Variants in NCAM2 observed in about 807,000 individuals in gnomAD.
NCAM2 encodes neural cell adhesion molecule 2, also known as N-CAM-2.
NCAM2 carries 30 observed loss-of-function variants against 98.1 expected under a neutral mutation model. The observed-to-expected ratio is 0.31, with a 90% confidence interval of 0.23 to 0.41. The LOEUF (loss-of-function observed/expected upper bound fraction) is 0.41. Among genes scored for constraint, NCAM2 ranks in the 10% least tolerant of loss-of-function variants. The pLI, the probability that NCAM2 is intolerant of heterozygous loss-of-function variation, is 1.00. For missense variants in NCAM2, 867 were observed against 1,005.8 expected, an observed-to-expected ratio of 0.86 and a Z score of 1.87; for synonymous variants, 368 against 342.4, an observed-to-expected ratio of 1.07 and a Z score of -0.83.
At chr21:21,322,392 AC>A (rs1340104200) in intron 5 of NCAM2, among the ~76,000 whole-genome samples, 1 of 152,052 alleles carries the variant, frequency 6.6e-6, no homozygotes, top group Non-Finnish European at 1.5e-5. Context: ...TTTACCCCAA[AC>A]CTCAGAATCA....
intron 16 of NCAM2, among the ~76,000 whole-genome samples, chr21:21,528,092 TAA>T (rs1250658162): frequency 6.6e-6 from 1 of 152,202 alleles, no homozygotes; most frequent in Non-Finnish European, 1.5e-5. Flanking sequence ...AAGCCAATTT[TAA>T]AAGACTACCT....
intron 15 of NCAM2, among the ~76,000 whole-genome samples, chr21:21,484,053 G>A (rs1986130544): frequency 1.3e-5 from 2 of 152,062 alleles, no homozygotes; most frequent in African/African-American, 4.8e-5. Flanking sequence ...GTAGCACTGT[G>A]AATTCACCAA....
chr21:21,156,615 G>T (rs1332574371), intron 1 of NCAM2, among the ~76,000 whole-genome samples: 2 of 151,244 alleles, frequency 1.3e-5, no homozygotes, highest in Non-Finnish European at 1.5e-5. Flanking sequence ...TAGATAGATA[G>T]ATAATTGTAG....
rs145336366 is a variant in NCAM2 at position 21,049,901 on chromosome 21, A to C, written c.55+51283A>C. Among the ~76,000 whole-genome samples, 263 of 152,208 alleles carry C rather than the reference A, an allele frequency of 1.7e-3. 1 individual carries two copies. The highest frequency in any genetic ancestry group is 2.7e-3 in the Non-Finnish European group (185 of 68,004). On this transcript the variant is annotated intron_variant, in intron 1 of 17. Transcript: ENST00000400546. ...AAAAAAAAATTGTTAATATTACATC[A>C]TTATGCATATAAATGGGTTTTTGAA... is the stretch of plus-strand genomic sequence containing the variant.
chr21:21,347,656 G>A lies in NCAM2; in HGVS notation c.1044+9122G>A, dbSNP rs192751308. 2.0e-5 allele frequency among the ~76,000 whole-genome samples: 3 copies of A among 152,014 alleles called. No individual in the cohort carries two copies. In the East Asian group the frequency reaches 5.8e-4, roughly 29 times the overall value. On this transcript the variant is annotated intron_variant, in intron 8 of 17. Coordinates refer to ENST00000400546, the MANE Select transcript of NCAM2 (RefSeq NM_004540.5). ...GAATATTTCCAAGCTCATTCTACAA[G>A]GCCAGTATTACTTTGATACCTAAAA...
intron 16 of NCAM2, among the ~76,000 whole-genome samples, chr21:21,523,604 C>T (rs2125864): frequency 0.64 from 96,907 of 151,084 alleles, 31,150 homozygotes; most frequent in East Asian, 0.77. Flanking sequence ...GTATATACTA[C>T]GTATAAGATA....
intron 1 of NCAM2, among the ~76,000 whole-genome samples, chr21:21,140,027 A>T (rs562426217): frequency 6.6e-6 from 1 of 152,092 alleles, no homozygotes; most frequent in Admixed American, 6.5e-5. Flanking sequence ...AGGACATCAA[A>T]TTGTCATGGT....
intron 1 of NCAM2, among the ~76,000 whole-genome samples, chr21:21,041,935 G>A (rs80076685): frequency 0.023 from 3,451 of 152,214 alleles, 119 homozygotes; most frequent in Admixed American, 0.084. Context: ...CTTATCTTGT[G>A]GCTAAGATGG....
chr21:21,453,353 G>A (rs147300438), intron 12 of NCAM2, among the ~76,000 whole-genome samples: 1 of 151,562 alleles, frequency 6.6e-6, no homozygotes, highest in South Asian at 2.1e-4. Context: ...GCCTAGCCTT[G>A]GCAGAGGTCA....
intron 5 of NCAM2, among the ~76,000 whole-genome samples, chr21:21,313,580 T>G (rs1230103776): frequency 6.6e-6 from 1 of 152,006 alleles, no homozygotes; most frequent in East Asian, 1.9e-4. Context: ...TATTCTAGTT[T>G]TATCATTACA....
chr21:21,176,568 A>G (rs913624836), intron 1 of NCAM2, among the ~76,000 whole-genome samples: 3 of 152,122 alleles, frequency 2.0e-5, no homozygotes, highest in African/African-American at 7.2e-5. Flanking sequence ...ATTTATTACA[A>G]TGTAACATAG....
At chr21:21,293,684 T>C (rs193077340) in intron 5 of NCAM2, among the ~76,000 whole-genome samples, 1 of 151,880 alleles carries the variant, frequency 6.6e-6, no homozygotes, top group Non-Finnish European at 1.5e-5. Context: ...TCTATATCAA[T>C]ATGTAACTCT....
At chr21:21,237,289 G>C (rs2070870266) in intron 1 of NCAM2, among the ~76,000 whole-genome samples, 1 of 151,984 alleles carries the variant, frequency 6.6e-6, no homozygotes, top group African/African-American at 2.4e-5. Flanking sequence ...TTTTTTTAAG[G>C]TTCCATATCA....
chr21:21,125,478 A>C (rs1245710512), intron 1 of NCAM2, among the ~76,000 whole-genome samples: 1 of 31,496 alleles, frequency 3.2e-5, no homozygotes, highest in South Asian at 9.5e-4. Flanking sequence ...ATATATATCT[A>C]TATATAGATA....
chr21:21,523,293 C>A (rs1237741872), intron 16 of NCAM2, among the ~76,000 whole-genome samples: 1 of 151,984 alleles, frequency 6.6e-6, no homozygotes, highest in Non-Finnish European at 1.5e-5. Flanking sequence ...ATTTCCCCAA[C>A]TTTTTCTTCT....
At chr21:21,073,259 C>A (rs1167363062) in intron 1 of NCAM2, among the ~76,000 whole-genome samples, 7 of 152,038 alleles carry the variant, frequency 4.6e-5, no homozygotes, top group African/African-American at 1.4e-4. Context: ...ACCAAGACTT[C>A]CTTTTAAAAT....
intron 1 of NCAM2, among the ~76,000 whole-genome samples, chr21:21,200,314 G>A (rs1044050977): frequency 1.3e-5 from 2 of 151,272 alleles, no homozygotes; most frequent in Non-Finnish European, 2.9e-5. Context: ...ACCAGGAAAC[G>A]CTGCGTGAGG....
chr21:21,527,513 A>G (rs1008440302), intron 16 of NCAM2, among the ~76,000 whole-genome samples: 5 of 152,332 alleles, frequency 3.3e-5, no homozygotes, highest in Admixed American at 6.5e-5. Flanking sequence ...CTATATAATA[A>G]AAAGAAGAGC....
chr21:21,240,921 A>G (rs188750083), intron 1 of NCAM2, among the ~76,000 whole-genome samples: 1 of 152,300 alleles, frequency 6.6e-6, no homozygotes, highest in African/African-American at 2.4e-5. Context: ...GGACAAATAA[A>G]TATTTCAATT....
Sources: allele counts gnomAD v4.1 joint callset (sites outside exome capture counted in the v4.1 genomes callset), GRCh38; gene constraint gnomAD v4.1.1; transcripts MANE v1.5; gene names NCBI Gene and HGNC (gene_info 2026-07-23, HGNC 2026-07-21).